UBE2D4: variants seen among roughly 807,000 people sequenced by gnomAD.
UBE2D4 encodes the protein ubiquitin conjugating enzyme E2 D4, also known as ubiquitin-conjugating enzyme E2 D4.
In UBE2D4, 17 loss-of-function variants were observed where a neutral mutation model predicts 23.0. The observed-to-expected ratio is 0.74, with a 90% CI of 0.51 to 1.11. The LOEUF (loss-of-function observed/expected upper bound fraction) is 1.11, where lower values mean the gene tolerates loss of function less well. Among genes scored for constraint, UBE2D4 ranks in the 50% least tolerant of loss-of-function variants. The pLI is 0.00. For synonymous variants in UBE2D4, 61 were observed against 69.4 expected, an observed-to-expected ratio of 0.88 and a Z score of 0.60; for missense variants, 139 against 181.8, an observed-to-expected ratio of 0.76 and a Z score of 1.35.
In UBE2D4 at chr7:43,955,275, C is replaced by A. The variant is rs2096011034; in HGVS notation, c.*2580C>A. 1 of 151,994 alleles carries A rather than the reference C, an allele frequency of 6.6e-6. No homozygotes were observed. The highest frequency in any genetic ancestry group is 2.4e-5 in the African/African-American group (1 of 41,372). The allele number at this position is 151,994 out of a possible 1,614,324, so 9.4% of individuals were successfully genotyped here. ...ACAACTAGACATCAAATCTGAGAAG[C>A]CAACTGTGGAGTAATGTGTTTTTTT... is the stretch of plus-strand genomic sequence containing the variant. On this transcript the variant is annotated 3_prime_UTR_variant, in exon 7 of 7. Coordinates refer to ENST00000222402, the MANE Select transcript of UBE2D4 (RefSeq NM_015983.4).
At chr7:43,940,745 G>C (rs192897058) in intron 2 of UBE2D4, 1 of 152,192 alleles carries the variant, frequency 6.6e-6, no homozygotes, top group South Asian at 2.1e-4. Flanking sequence ...AAGTGAACAA[G>C]ACCAGAGGAT....
At chr7:43,945,691 A>T (rs986412075) in intron 4 of UBE2D4, among the ~76,000 whole-genome samples, 1 of 152,148 alleles carries the variant, frequency 6.6e-6, no homozygotes, top group African/African-American at 2.4e-5. Flanking sequence ...AATTGTAGAT[A>T]ATGATATAAA....
At chr7:43,937,920 G>T (rs984112548) in intron 1 of UBE2D4, among the ~76,000 whole-genome samples, 3 of 152,156 alleles carry the variant, frequency 2.0e-5, no homozygotes, top group African/African-American at 7.2e-5. Context: ...GGTGACTAGG[G>T]TGATTGGGAT....
rs1264175426 is a variant in UBE2D4 at position 43,955,393 on chromosome 7, G to GTGTT, written c.*2701_*2704dup. On this transcript the variant is annotated 3_prime_UTR_variant, in exon 7 of 7. Coordinates refer to ENST00000222402, the MANE Select transcript of UBE2D4 (RefSeq NM_015983.4). ...CATTAGCTCTCCCCCAGAAGCGTCT[G>GTGTT]TGTTTGCTGAATGGAGCTGAGATTT... The GTGTT allele has an allele frequency of 1.3e-5, 2 of 152,212 alleles. No homozygotes were observed. The highest frequency in any genetic ancestry group is 3.9e-4 in the East Asian group (2 of 5,192). 9.4% of individuals were successfully genotyped at this position (152,212 alleles called of 1,614,324 possible).
intron 2 of UBE2D4, among the ~76,000 whole-genome samples, chr7:43,940,408 C>T (rs1439580452): frequency 6.6e-6 from 1 of 152,200 alleles, no homozygotes; most frequent in African/African-American, 2.4e-5. Context: ...AAACTGGGGT[C>T]GCTGTAAGCT....
Position 43,953,339 on chromosome 7 carries a change from A to G in UBE2D4, c.*644A>G. On this transcript the variant is annotated 3_prime_UTR_variant, in exon 7 of 7. Coordinates refer to ENST00000222402, the MANE Select transcript of UBE2D4 (RefSeq NM_015983.4). ...AGTGGAAAATTTCAGGATACAAAGC[A>G]CATAACACCCCATAAGAGATGATTA... 1 of 389,596 alleles carries G rather than the reference A, an allele frequency of 2.6e-6. No homozygotes were observed. The highest frequency in any genetic ancestry group is 7.1e-5 in the East Asian group (1 of 13,988). The allele number at this position is 389,596 out of a possible 1,614,324, so 24.1% of individuals were successfully genotyped here. A position where few individuals can be genotyped will look rare whatever the true frequency, so the allele number is the denominator to read the frequency against.
intron 2 of UBE2D4, among the ~76,000 whole-genome samples, chr7:43,939,273 C>T (rs2095965654): frequency 6.6e-6 from 1 of 152,252 alleles, no homozygotes; most frequent in African/African-American, 2.4e-5. Flanking sequence ...TATTTTCTCC[C>T]ACTTCCACTC....
rs746346474 is a variant in UBE2D4 at position 43,938,541 on chromosome 7, A to AC, written c.88+53dup. 1.3e-5 allele frequency: 21 copies of AC among 1,591,114 alleles called. No individual in the cohort carries two copies. In the East Asian group the frequency reaches 1.8e-4, roughly 14 times the overall value. On this transcript the variant is annotated intron_variant, in intron 2 of 6. Coordinates refer to ENST00000222402, the MANE Select transcript of UBE2D4 (RefSeq NM_015983.4). ...AAGTTGTAGGAGCATTTTAATTAAGACCCCCCAACTTAGGCCAGGTGCGGT... is the reference window on the plus strand; with the variant it reads ...AAGTTGTAGGAGCATTTTAATTAAGACCCCCCCAACTTAGGCCAGGTGCGGT...
At chr7:43,948,793 C>A in intron 5 of UBE2D4, 56 bp downstream of exon 5, 3 of 1,356,488 alleles carry the variant, frequency 2.2e-6, no homozygotes, top group Non-Finnish European at 3.2e-6. Flanking sequence ...TTTACCCCAG[C>A]ACTGACTGAG....
intron 2 of UBE2D4, among the ~76,000 whole-genome samples, chr7:43,939,832 A>T (rs2095967225): frequency 6.6e-6 from 1 of 152,226 alleles, no homozygotes; most frequent in South Asian, 2.1e-4. Context: ...GACAGACGGT[A>T]GATGAGAGAT....
chr7:43,939,681 A>C (rs908906951), intron 2 of UBE2D4, among the ~76,000 whole-genome samples: 21 of 152,380 alleles, frequency 1.4e-4, no homozygotes, highest in African/African-American at 4.8e-4. Flanking sequence ...CCAAGTGCCC[A>C]TCAGTGGATG....
intron 2 of UBE2D4, 34 bp downstream of exon 2, chr7:43,938,528 C>T: frequency 6.2e-7 from 1 of 1,607,164 alleles, no homozygotes; most frequent in South Asian, 1.1e-5. Context: ...GTTGTAGGAG[C>T]ATTTTAATTA....
At chr7:43,940,421 A>G (rs1320754161) in intron 2 of UBE2D4, among the ~76,000 whole-genome samples, 1 of 152,188 alleles carries the variant, frequency 6.6e-6, no homozygotes, top group Non-Finnish European at 1.5e-5. Context: ...TGTAAGCTTG[A>G]ACTAGTTCTT....
intron 1 of UBE2D4, among the ~76,000 whole-genome samples, chr7:43,933,212 G>A (rs2132757069): frequency 6.6e-6 from 1 of 151,216 alleles, no homozygotes; most frequent in African/African-American, 2.4e-5. Context: ...ACATTTTTGT[G>A]GATTTCTTTT....
chr7:43,939,368 G>A (rs2132767807), intron 2 of UBE2D4, among the ~76,000 whole-genome samples: 1 of 152,382 alleles, frequency 6.6e-6, no homozygotes, highest in African/African-American at 2.4e-5. Flanking sequence ...CCAGGCCTCT[G>A]CTGTCCCTCA....
At chr7:43,929,296 G>A (rs2095940323) in intron 1 of UBE2D4, among the ~76,000 whole-genome samples, 1 of 151,940 alleles carries the variant, frequency 6.6e-6, no homozygotes, top group Non-Finnish European at 1.5e-5. Flanking sequence ...GCATGGTGGT[G>A]CATGCCTGTA....
At chr7:43,942,404 A>C in intron 2 of UBE2D4, 1 of 312,534 alleles carries the variant, frequency 3.2e-6, no homozygotes, top group South Asian at 3.6e-5. Context: ...TGGGCATTCA[A>C]ATAAGTCAGT....
At chr7:43,930,864 A>T (rs2527826) in intron 1 of UBE2D4, among the ~76,000 whole-genome samples, 8,451 of 152,164 alleles carry the variant, frequency 0.056, 273 homozygotes, top group East Asian at 0.1. Flanking sequence ...GGCCAGGCAC[A>T]GTGGCTCATG....
At chr7:43,929,244 C>T (rs1024433951) in intron 1 of UBE2D4, among the ~76,000 whole-genome samples, 1 of 151,942 alleles carries the variant, frequency 6.6e-6, no homozygotes, top group Admixed American at 6.6e-5. Context: ...GGCCAACTTA[C>T]TGAAACCTCT....
Sources: gnomAD v4.1 joint callset for allele counts (sites outside exome capture counted in the v4.1 genomes callset) on GRCh38, gnomAD v4.1.1 for gene constraint, MANE v1.5 for transcripts, NCBI Gene and HGNC (gene_info 2026-07-23, HGNC 2026-07-21) for gene names.